Variants in LHFPL3 observed in about 807,000 individuals in gnomAD.
LHFPL3 encodes the protein LHFPL tetraspan subfamily member 3 protein.
LHFPL3 carries 5 observed loss-of-function variants against 19.3 expected under a neutral mutation model. The ratio of observed to expected loss-of-function variants is 0.26; its 90% CI spans 0.14 to 0.54. The LOEUF (loss-of-function observed/expected upper bound fraction) is 0.54. Ranked by LOEUF, LHFPL3 falls within the 20% of genes least tolerant of loss-of-function variation. The pLI, the probability that LHFPL3 is intolerant of heterozygous loss-of-function variation, is 0.94. For missense variants in LHFPL3, 249 were observed against 307.4 expected (o/e 0.81, Z 1.42); for synonymous variants, 133 against 126.2 (o/e 1.05, Z -0.36).
At chr7:104,411,790 C>T (rs1791539856) in intron 1 of LHFPL3, among the ~76,000 whole-genome samples, 5 of 152,098 alleles carry the variant, frequency 3.3e-5, no homozygotes, top group Admixed American at 3.3e-4. Context: ...AGAAGTAATA[C>T]TGCAATTCAG....
chr7:104,529,094 C>T (rs1188076622), intron 1 of LHFPL3, among the ~76,000 whole-genome samples: 2 of 152,142 alleles, frequency 1.3e-5, no homozygotes, highest in Non-Finnish European at 2.9e-5. Flanking sequence ...AGAGCAGGTG[C>T]TTCCTTCCCG....
intron 1 of LHFPL3, among the ~76,000 whole-genome samples, chr7:104,658,097 C>A (rs1338524255): frequency 1.3e-5 from 2 of 152,176 alleles, no homozygotes; most frequent in African/African-American, 4.8e-5. Context: ...TTATGGAGAG[C>A]TTTCAAATTT....
chr7:104,734,276 G>A lies in LHFPL3; in HGVS notation c.446-2399G>A, dbSNP rs561327141. 3.5e-3 allele frequency among the ~76,000 whole-genome samples: 529 copies of A among 152,232 alleles called. 3 individuals are homozygous for A. The highest frequency in any genetic ancestry group is 0.012 in the African/African-American group (496 of 41,542). ...TTTGAATGTTGGCCTGCCTTGCTAG[G>A]TTGGGGAAGTTCTCCTGGATAATAT... On this transcript the variant is annotated intron_variant, in intron 1 of 2. Transcript: ENST00000424859.
intron 1 of LHFPL3, among the ~76,000 whole-genome samples, chr7:104,500,226 A>G (rs1014804732): frequency 1.3e-5 from 2 of 152,258 alleles, no homozygotes; most frequent in African/African-American, 4.8e-5. Flanking sequence ...TGAGGCAGCT[A>G]GACACCTTCT....
chr7:104,708,770 TA>T (rs1175965260), intron 1 of LHFPL3, among the ~76,000 whole-genome samples: 19 of 152,190 alleles, frequency 1.2e-4, no homozygotes, highest in Non-Finnish European at 1.5e-5. Context: ...CTAAAAATGT[TA>T]AATTATATGT....
At chr7:104,691,692 T>C (rs1040751804) in intron 1 of LHFPL3, among the ~76,000 whole-genome samples, 5 of 152,186 alleles carry the variant, frequency 3.3e-5, no homozygotes, top group African/African-American at 1.2e-4. Context: ...GAAGAGGTAA[T>C]GTAGATGGAC....
chr7:104,580,656 A>G (rs565673772), intron 1 of LHFPL3, among the ~76,000 whole-genome samples: 3 of 152,238 alleles, frequency 2.0e-5, no homozygotes, highest in East Asian at 1.9e-4. Context: ...CTATAAAGAT[A>G]TAGAACATTT....
At chr7:104,430,394 A>ATG (rs1791948921) in intron 1 of LHFPL3, among the ~76,000 whole-genome samples, 4 of 46,014 alleles carry the variant, frequency 8.7e-5, no homozygotes, top group African/African-American at 7.6e-4. Flanking sequence ...ATATATATAT[A>ATG]TATATATATA....
At position 104,502,679 on chromosome 7, in the gene LHFPL3, A is replaced by G. The variant is rs903559858; in HGVS notation, c.445+173455A>G. On this transcript the variant is annotated intron_variant, in intron 1 of 2. Transcript: ENST00000424859. Reference sequence around the variant, plus strand: ...TTTGTGCAAGATCCTTGCCAGGAAGATAAAATGGACTAAGAAATGTGACTT... The same window carrying G: ...TTTGTGCAAGATCCTTGCCAGGAAGGTAAAATGGACTAAGAAATGTGACTT... Among the ~76,000 whole-genome samples the G allele has an allele frequency of 4.6e-5, 7 of 152,222 alleles. 1 individual carries two copies. The highest frequency in any genetic ancestry group is 4.6e-4 in the Admixed American group (7 of 15,284).
chr7:104,413,290 T>C (rs1366382539), intron 1 of LHFPL3, among the ~76,000 whole-genome samples: 1 of 152,200 alleles, frequency 6.6e-6, no homozygotes, highest in Non-Finnish European at 1.5e-5. Flanking sequence ...GACATAGATA[T>C]GCCATTCTCA....
intron 1 of LHFPL3, among the ~76,000 whole-genome samples, chr7:104,563,368 G>C (rs1348221783): frequency 6.6e-6 from 1 of 152,308 alleles, no homozygotes; most frequent in East Asian, 1.9e-4. Flanking sequence ...AGCCAGGTGC[G>C]GGATATAATC....
intron 1 of LHFPL3, among the ~76,000 whole-genome samples, chr7:104,448,185 C>G (rs1792367520): frequency 6.6e-6 from 1 of 152,164 alleles, no homozygotes; most frequent in Non-Finnish European, 1.5e-5. Flanking sequence ...ACAGATTCAA[C>G]TGGTAAACAT....
At chr7:104,388,660 C>T (rs1790998132) in intron 1 of LHFPL3, among the ~76,000 whole-genome samples, 1 of 152,090 alleles carries the variant, frequency 6.6e-6, no homozygotes, top group Non-Finnish European at 1.5e-5. Flanking sequence ...AACCTGAATC[C>T]AGCCACATGT....
intron 2 of LHFPL3, among the ~76,000 whole-genome samples, chr7:104,771,877 A>C (rs1430940735): frequency 4.1e-5 from 5 of 121,230 alleles, no homozygotes; most frequent in African/African-American, 1.6e-4. Context: ...GCTGGAGTGC[A>C]GTGGTGTGAT....
chr7:104,430,438 A>ACATATATATATATACG (rs1562895315), intron 1 of LHFPL3, among the ~76,000 whole-genome samples: 1 of 15,092 alleles, frequency 6.6e-5, no homozygotes, highest in Non-Finnish European at 1.1e-4. Context: ...ATATATATAT[A>ACATATATATATATACG]TATATATATA....
At chr7:104,740,940 T>C (rs557907968) in intron 2 of LHFPL3, among the ~76,000 whole-genome samples, 1 of 152,304 alleles carries the variant, frequency 6.6e-6, no homozygotes, top group African/African-American at 2.4e-5. Context: ...AAAAAATCAC[T>C]GTTACATGAA....
At chr7:104,376,611 C>G (rs1790719457) in intron 1 of LHFPL3, among the ~76,000 whole-genome samples, 1 of 152,112 alleles carries the variant, frequency 6.6e-6, no homozygotes, top group Non-Finnish European at 1.5e-5. Flanking sequence ...AAAGTTGCAT[C>G]TTGAGAAGGA....
chr7:104,640,266 C>T (rs1791807131), intron 1 of LHFPL3, among the ~76,000 whole-genome samples: 1 of 152,142 alleles, frequency 6.6e-6, no homozygotes, highest in Admixed American at 6.5e-5. Flanking sequence ...AATGCTCTCC[C>T]TCCCCTTTCT....
At chr7:104,356,670 T>A (rs1480156398) in intron 1 of LHFPL3, among the ~76,000 whole-genome samples, 1 of 152,156 alleles carries the variant, frequency 6.6e-6, no homozygotes, top group Admixed American at 6.5e-5. Flanking sequence ...TAGGACTAAT[T>A]CAGTTCAGCA....
Sources: gnomAD v4.1 joint callset for allele counts (sites outside exome capture counted in the v4.1 genomes callset) on GRCh38, gnomAD v4.1.1 for gene constraint, MANE v1.5 for transcripts, NCBI Gene and HGNC (gene_info 2026-07-23, HGNC 2026-07-21) for gene names.